Variants in CNTNAP2 observed in about 807,000 individuals in gnomAD.
The protein encoded by CNTNAP2 is contactin-associated protein-like 2.
A neutral mutation model predicts 155.2 loss-of-function variants in CNTNAP2; 98 were observed. That is an observed-to-expected ratio of 0.63 (90% confidence interval 0.54 to 0.75). The LOEUF (loss-of-function observed/expected upper bound fraction) is 0.75. Ranked by LOEUF, CNTNAP2 falls within the 30% of genes least tolerant of loss-of-function variation. The pLI is 0.00. For synonymous variants in CNTNAP2, 651 were observed against 631.2 expected (o/e 1.03, Z -0.47); for missense variants, 1,727 against 1,688.1 (o/e 1.02, Z -0.40).
chr7:147,829,448 G>A lies in CNTNAP2; in HGVS notation c.2099-74117G>A, dbSNP rs146343132. On this transcript the variant is annotated intron_variant, in intron 13 of 23. Coordinates refer to ENST00000361727, the MANE Select transcript of CNTNAP2 (RefSeq NM_014141.6). ...TTGAATTAAAAGTCTTAAATGTCAC[G>A]TTTGTCAGTGATCATAATAGCTCTC... is the stretch of plus-strand genomic sequence containing the variant. Among the ~76,000 whole-genome samples, 792 of 152,232 alleles carry A rather than the reference G, an allele frequency of 5.2e-3. 5 individuals carry two copies. The highest frequency in any genetic ancestry group is 0.018 in the African/African-American group (742 of 41,540).
intron 1 of CNTNAP2, among the ~76,000 whole-genome samples, chr7:146,770,219 T>A (rs1007218149): frequency 6.6e-6 from 1 of 152,062 alleles, no homozygotes; most frequent in East Asian, 1.9e-4. Context: ...TACTGCCACT[T>A]ATGGAGGAAT....
chr7:147,494,027 C>A (rs1393196807), intron 11 of CNTNAP2, among the ~76,000 whole-genome samples: 1 of 152,056 alleles, frequency 6.6e-6, no homozygotes, highest in African/African-American at 2.4e-5. Flanking sequence ...AGGAAAAGCT[C>A]GCATTCTCAC....
At chr7:147,434,810 C>G (rs1306311057) in intron 10 of CNTNAP2, among the ~76,000 whole-genome samples, 2 of 152,212 alleles carry the variant, frequency 1.3e-5, no homozygotes, top group Admixed American at 1.3e-4. Flanking sequence ...TGCTATGCTG[C>G]GCAGACTAAG....
chr7:148,087,322 G>A (rs1308564800), intron 15 of CNTNAP2, among the ~76,000 whole-genome samples: 2 of 151,972 alleles, frequency 1.3e-5, no homozygotes, highest in Admixed American at 6.6e-5. Context: ...TATATAGTAA[G>A]GAATATAAAT....
At chr7:146,359,073 A>G (rs1795044978) in intron 1 of CNTNAP2, among the ~76,000 whole-genome samples, 1 of 152,324 alleles carries the variant, frequency 6.6e-6, no homozygotes, top group East Asian at 1.9e-4. Context: ...GTATAGTCCC[A>G]TTTATTTTGA....
At chr7:147,628,500 C>T (rs1347622245) in intron 12 of CNTNAP2, among the ~76,000 whole-genome samples, 9 of 152,080 alleles carry the variant, frequency 5.9e-5, no homozygotes, top group Admixed American at 2.6e-4. Context: ...TCTTGAAACA[C>T]ACCAAAATAG....
At chr7:146,560,547 C>A (rs2129144298) in intron 1 of CNTNAP2, among the ~76,000 whole-genome samples, 1 of 152,160 alleles carries the variant, frequency 6.6e-6, no homozygotes, top group Middle Eastern at 3.4e-3. Flanking sequence ...TCCAGCTTTA[C>A]TATGCACAGC....
At chr7:146,459,567 AT>A (rs1796606800) in intron 1 of CNTNAP2, among the ~76,000 whole-genome samples, 2 of 152,196 alleles carry the variant, frequency 1.3e-5, no homozygotes, top group Admixed American at 6.5e-5. Flanking sequence ...GTGTCAGAGA[AT>A]AAAATACTTC....
intron 16 of CNTNAP2, among the ~76,000 whole-genome samples, chr7:148,137,663 G>GA (rs1453498729): frequency 1.7e-5 from 2 of 119,742 alleles, no homozygotes; most frequent in Admixed American, 1.0e-4. Context: ...GTCTATCTCA[G>GA]AAAAAAAAGG....
intron 13 of CNTNAP2, among the ~76,000 whole-genome samples, chr7:147,838,307 A>G (rs1798665621): frequency 6.6e-6 from 1 of 152,194 alleles, no homozygotes; most frequent in South Asian, 2.1e-4. Context: ...CATGTCCTGG[A>G]GACATTTTCC....
chr7:146,173,227 A>C (rs1798420328), intron 1 of CNTNAP2, among the ~76,000 whole-genome samples: 1 of 152,142 alleles, frequency 6.6e-6, no homozygotes, highest in Non-Finnish European at 1.5e-5. Flanking sequence ...TTTTTATCTT[A>C]TTATACATTA....
At chr7:147,630,573 A>G (rs1471732942) in intron 12 of CNTNAP2, among the ~76,000 whole-genome samples, 1 of 152,158 alleles carries the variant, frequency 6.6e-6, no homozygotes, top group East Asian at 1.9e-4. Context: ...AAAAATCCTC[A>G]ACAAAATACT....
In CNTNAP2 at chr7:147,393,192, A is replaced by T. The variant is rs560503403; in HGVS notation, c.1499-2417A>T. On this transcript the variant is annotated intron_variant, in intron 9 of 23. Transcript: ENST00000361727. ...CTTGGAATATTATGGAGAGAAAAAAATTAATGAATATGTAGTATTTTGTCC... is the reference window on the plus strand; with the variant it reads ...CTTGGAATATTATGGAGAGAAAAAATTTAATGAATATGTAGTATTTTGTCC... Among the ~76,000 whole-genome samples the T allele has an allele frequency of 1.1e-4, 16 of 152,232 alleles. No homozygotes were observed. In the South Asian group the frequency reaches 3.3e-3, roughly 32 times the overall value.
chr7:147,985,147 T>TAAATAAATAAAA, intron 15 of CNTNAP2, among the ~76,000 whole-genome samples: 1 of 127,138 alleles, frequency 7.9e-6, no homozygotes, highest in South Asian at 2.3e-4. Flanking sequence ...AATAAATAAA[T>TAAATAAATAAAA]AACTATTTAC....
intron 14 of CNTNAP2, among the ~76,000 whole-genome samples, chr7:147,936,164 C>G (rs1365721320): frequency 6.6e-6 from 1 of 152,078 alleles, no homozygotes; most frequent in Admixed American, 6.6e-5. Context: ...TCTATATTAG[C>G]AACTTACATT....
At position 146,921,604 on chromosome 7, in the gene CNTNAP2, C is replaced by T. The variant is rs992675227; in HGVS notation, c.402+81700C>T. On this transcript the variant is annotated intron_variant, in intron 3 of 23. Coordinates refer to ENST00000361727, the MANE Select transcript of CNTNAP2 (RefSeq NM_014141.6). The stretch of plus-strand genomic sequence containing the variant: ...GTTTTACATGACATGAGAGCTTGTG[C>T]GGGGGAATTCCCATTTATTAAATAA... Among the ~76,000 whole-genome samples the T allele has an allele frequency of 2.6e-4, 40 of 152,052 alleles. 1 individual carries two copies. Among genetic ancestry groups the T allele is most frequent in the African/African-American group, 1.2e-4 (5 of 41,404 alleles).
chr7:146,998,111 C>A lies in CNTNAP2; in HGVS notation c.403-45796C>A, dbSNP rs10252618. ...ATATGGGTTTTTTTCTTTAGTAGTT[C>A]TTTGAGATACAAGATTAGGTTGTTG... On this transcript the variant is annotated intron_variant, in intron 3 of 23. Transcript: ENST00000361727. Among the ~76,000 whole-genome samples the A allele has an allele frequency of 1.4e-3, 207 of 151,234 alleles. 1 individual carries two copies. The highest frequency in any genetic ancestry group is 4.9e-3 in the African/African-American group (200 of 41,234).
At chr7:147,625,301 T>C (rs1322814115) in intron 12 of CNTNAP2, among the ~76,000 whole-genome samples, 4 of 152,220 alleles carry the variant, frequency 2.6e-5, no homozygotes, top group Non-Finnish European at 4.4e-5. Context: ...AGTGGATGGA[T>C]ACCTCCTTCT....
chr7:146,965,765 G>A (rs187349010), intron 3 of CNTNAP2, among the ~76,000 whole-genome samples: 20 of 152,286 alleles, frequency 1.3e-4, no homozygotes, highest in African/African-American at 4.3e-4. Context: ...ACTTTATTCA[G>A]AGGGATAATG....
Sources: gnomAD v4.1 joint callset for allele counts (sites outside exome capture counted in the v4.1 genomes callset) on GRCh38, gnomAD v4.1.1 for gene constraint, MANE v1.5 for transcripts, NCBI Gene and HGNC (gene_info 2026-07-23, HGNC 2026-07-21) for gene names.